PDE11A: variants seen among roughly 807,000 people sequenced by gnomAD.
The protein encoded by PDE11A is dual 3',5'-cyclic-AMP and -GMP phosphodiesterase 11A.
PDE11A carries 100 observed loss-of-function variants against 100.5 expected under a neutral mutation model. That is an observed-to-expected ratio of 1.00 (90% CI 0.85 to 1.18). The LOEUF (loss-of-function observed/expected upper bound fraction) is 1.18. Among genes scored for constraint, PDE11A ranks in the 50% most tolerant of loss-of-function variants. The pLI is 0.00. For missense variants in PDE11A, 1,141 were observed against 1,152.6 expected, an observed-to-expected ratio of 0.99 and a Z score of 0.15; for synonymous variants, 381 against 420.8, an observed-to-expected ratio of 0.91 and a Z score of 1.16.
intron 10 of PDE11A, among the ~76,000 whole-genome samples, chr2:177,737,592 A>AT (rs2081810043): frequency 6.6e-6 from 1 of 150,536 alleles, no homozygotes; most frequent in East Asian, 2.0e-4. Context: ...CTCTGTCTCA[A>AT]AAAAAAAAAG....
intron 19 of PDE11A, among the ~76,000 whole-genome samples, chr2:177,644,779 C>T (rs1559123795): frequency 6.6e-6 from 1 of 152,160 alleles, no homozygotes; most frequent in Non-Finnish European, 1.5e-5. Flanking sequence ...GTAGGAGGAA[C>T]CCAGTGGGAG....
At chr2:177,949,617 GA>G (rs1233932984) in intron 2 of PDE11A, among the ~76,000 whole-genome samples, 2 of 152,106 alleles carry the variant, frequency 1.3e-5, no homozygotes, top group African/African-American at 4.8e-5. Context: ...AAATAAATGT[GA>G]TAAAACATGT....
chr2:177,664,020 T>A (rs919539627), intron 18 of PDE11A, 71 bp from the exon 19 acceptor site: 4 of 896,642 alleles, frequency 4.5e-6, no homozygotes, highest in East Asian at 4.8e-5. Context: ...TGTCAAACAC[T>A]TTGCTAGAAT....
Position 177,727,750 on chromosome 2 carries a change from G to A in PDE11A, c.1951C>T (p.Leu651Phe), listed in dbSNP as rs750207873. 4 of 1,601,564 alleles carry A rather than the reference G, an allele frequency of 2.5e-6. No individual in the cohort carries two copies. The highest frequency in any genetic ancestry group is 1.7e-4 in the Middle Eastern group (1 of 6,038). ...CGATAGTTTTTCCTCACTGTCAAAA[G>A]CCACCTACACAGTGTCTGAAATGGG... ...KIDYETLCRWLLTVRKNYRMV... is the reference protein window; with the variant it reads ...KIDYETLCRWFLTVRKNYRMV... The change falls in exon 12 of 20, where the codon CTT becomes TTT. Residue 651 changes from leucine to phenylalanine, a missense_variant. Coordinates refer to ENST00000286063, the MANE Select transcript of PDE11A (RefSeq NM_016953.4).
intron 6 of PDE11A, among the ~76,000 whole-genome samples, chr2:177,833,899 C>T (rs1014370507): frequency 1.3e-5 from 2 of 152,208 alleles, no homozygotes; most frequent in African/African-American, 2.4e-5. Context: ...GATAAGGGAA[C>T]CTGCACAGGG....
intron 2 of PDE11A, among the ~76,000 whole-genome samples, chr2:177,982,606 T>G (rs988107141): frequency 1.3e-5 from 2 of 150,588 alleles, no homozygotes; most frequent in Admixed American, 6.6e-5. Context: ...AAGATTCATA[T>G]GCCAATGTGA....
At chr2:177,804,601 T>C (rs1050178945) in intron 9 of PDE11A, among the ~76,000 whole-genome samples, 1 of 151,964 alleles carries the variant, frequency 6.6e-6, no homozygotes, top group Non-Finnish European at 1.5e-5. Context: ...TAAATCATTA[T>C]ATAATAAAGA....
intron 6 of PDE11A, among the ~76,000 whole-genome samples, chr2:177,826,254 T>C (rs1337110955): frequency 6.6e-6 from 1 of 152,242 alleles, no homozygotes; most frequent in Admixed American, 6.5e-5. Context: ...GGTTTAGCTC[T>C]TGGAGCCATC....
At chr2:177,998,910 A>T (rs1316153914) in intron 2 of PDE11A, 1 of 488,638 alleles carries the variant, frequency 2.0e-6, no homozygotes, top group Non-Finnish European at 3.8e-6. Context: ...CAATGGAAAC[A>T]TCCATGGCAA....
intron 17 of PDE11A, among the ~76,000 whole-genome samples, chr2:177,673,835 G>A (rs1480500235): frequency 6.6e-6 from 1 of 152,168 alleles, no homozygotes; most frequent in African/African-American, 2.4e-5. Flanking sequence ...CATGTGACAA[G>A]TTCTGGCTGA....
chr2:178,099,969 C>T (rs2087542418), intron 2 of PDE11A, among the ~76,000 whole-genome samples: 1 of 152,082 alleles, frequency 6.6e-6, no homozygotes, highest in Non-Finnish European at 1.5e-5. Context: ...CATAAATGAA[C>T]CTTGAAGACA....
At chr2:177,684,491 A>G (rs2080913572) in intron 15 of PDE11A, among the ~76,000 whole-genome samples, 1 of 152,148 alleles carries the variant, frequency 6.6e-6, no homozygotes, top group South Asian at 2.1e-4. Context: ...TACTTGAACC[A>G]CTCACCTCAC....
intron 5 of PDE11A, among the ~76,000 whole-genome samples, chr2:177,845,196 G>T (rs201073656): frequency 1.4e-5 from 2 of 145,442 alleles, no homozygotes; most frequent in Admixed American, 6.9e-5. Flanking sequence ...CTCCCGGACG[G>T]GGTGGCTGCC....
At chr2:177,850,634 C>T (rs2083684605) in intron 5 of PDE11A, among the ~76,000 whole-genome samples, 1 of 152,182 alleles carries the variant, frequency 6.6e-6, no homozygotes, top group Admixed American at 6.5e-5. Context: ...ACAATCTACT[C>T]ATCTGACAAA....
intron 2 of PDE11A, among the ~76,000 whole-genome samples, chr2:178,103,674 T>C (rs771998421): frequency 1.2e-4 from 18 of 151,710 alleles, no homozygotes; most frequent in Non-Finnish European, 2.5e-4. Context: ...GATATATATA[T>C]ATAATCTCAA....
At chr2:178,068,556 C>G (rs1229309546) in intron 1 of PDE11A, among the ~76,000 whole-genome samples, 1 of 151,762 alleles carries the variant, frequency 6.6e-6, no homozygotes, top group Non-Finnish European at 1.5e-5. Flanking sequence ...AAAAAATACA[C>G]TGTCTGAAGC....
chr2:177,726,585 CTT>C (rs1191411408), intron 12 of PDE11A, among the ~76,000 whole-genome samples: 1 of 150,304 alleles, frequency 6.7e-6, no homozygotes, highest in Non-Finnish European at 1.5e-5. Context: ...AAGGGGAAGA[CTT>C]TGTAGAAAAA....
chr2:177,864,898 G>A (rs1261708230), intron 5 of PDE11A, among the ~76,000 whole-genome samples: 1 of 152,106 alleles, frequency 6.6e-6, no homozygotes, highest in Non-Finnish European at 1.5e-5. Context: ...TTTTCCAGTG[G>A]TCATTCACTT....
chr2:177,784,564 G>A (rs2082504162), intron 9 of PDE11A, among the ~76,000 whole-genome samples: 1 of 152,184 alleles, frequency 6.6e-6, no homozygotes. Flanking sequence ...ATCTGCCTAT[G>A]GGGTAGCCAC....
Sources: allele counts gnomAD v4.1 joint callset (sites outside exome capture counted in the v4.1 genomes callset), GRCh38; gene constraint gnomAD v4.1.1; transcripts MANE v1.5; gene names NCBI Gene and HGNC (gene_info 2026-07-23, HGNC 2026-07-21).